The following VSIG10L variants were observed in gnomAD, a reference collection of about 807,000 sequenced individuals.
VSIG10L encodes V-set and immunoglobulin domain containing 10 like.
In VSIG10L, 63 loss-of-function variants were observed where a neutral mutation model predicts 67.3. That is an observed-to-expected ratio of 0.94 (90% CI 0.76 to 1.15). VSIG10L has a LOEUF of 1.15. Ranked by LOEUF, VSIG10L falls within the 50% of genes most tolerant of loss-of-function variation. The probability of loss-of-function intolerance (pLI) is 0.00; values close to 1 mark genes in which losing one functional copy is unlikely to be tolerated. For synonymous variants in VSIG10L, 499 were observed against 524.9 expected (o/e 0.95, Z 0.67); for missense variants, 1,050 against 1,177.5 (o/e 0.89, Z 1.58).
chr19:51,341,946 G>A lies in VSIG10L; in HGVS notation c.102C>T (p.Ser34=). The A allele has an allele frequency of 6.4e-7, 1 of 1,551,698 alleles. No homozygotes were observed. Among genetic ancestry groups the A allele is most frequent in the South Asian group, 1.2e-5 (1 of 84,060 alleles). ...ASSGLQQTNF[S]SAFSSDSKSS... is the part of the protein sequence containing the mutation. ...TCTTTGAGTCTGAAGAGAAGGCAGA[G>A]GAGAAGTTGGTTTGCTGAAGTCCAG... Residue 34 remains serine (S), a synonymous_variant, in exon 2 of 10, where the codon TCC becomes TCT. Coordinates refer to ENST00000335624, the MANE Select transcript of VSIG10L (RefSeq NM_001163922.3).
Position 51,337,338 on chromosome 19 carries a change from C to A in VSIG10L, c.2205G>T (p.Val735=). The A allele has an allele frequency of 6.4e-7, 1 of 1,551,662 alleles. No homozygotes were observed. The highest frequency in any genetic ancestry group is 8.7e-7 in the Non-Finnish European group (1 of 1,146,970). The change falls in exon 7 of 10, where the codon GTG becomes GTT. Residue 735 remains valine, a synonymous_variant. Transcript: ENST00000335624. Reference sequence around the variant, plus strand: ...TCCCTGGGTTCCGAGGTGGAAGGGGCACCACGGCTGACCGCTCCTGAGGCC... The same window carrying A: ...TCCCTGGGTTCCGAGGTGGAAGGGGAACCACGGCTGACCGCTCCTGAGGCC... The part of the protein sequence containing the change: ...ILGPQERSAV[V]PLPPRNPGTW...
Position 51,340,697 on chromosome 19 carries a change from T to C in VSIG10L, c.925A>G (p.Lys309Glu). 1 of 1,514,472 alleles carries C rather than the reference T, an allele frequency of 6.6e-7. No individual in the cohort carries two copies. Among genetic ancestry groups the C allele is most frequent in the South Asian group, 1.2e-5 (1 of 82,176 alleles). 93.8% of individuals were successfully genotyped at this position (1,514,472 alleles called of 1,614,324 possible). The change falls in exon 3 of 10, where the codon AAG (lysine) becomes GAG (glutamate). Residue 309 changes from lysine (K) to glutamate (E), a missense_variant. Coordinates refer to ENST00000335624, the MANE Select transcript of VSIG10L (RefSeq NM_001163922.3). The surrounding 1 kb of genome is among the most constrained non-coding windows in gnomAD (Gnocchi z 6.3). Reference protein sequence around the residue: ...EPLPQLSVQPKAPETEEGAAE... With the variant: ...EPLPQLSVQPEAPETEEGAAE... ...GCCCCCTCCTCTGTCTCTGGAGCCT[T>C]GGGCTGAACCGACAGCTGGGGTAGG...
rs1845007261 is a variant in VSIG10L at position 51,341,812 on chromosome 19, C to G, written c.236G>C (p.Ser79Thr). ...GGAACTCAGGGCCTCAGGAAACCAG[C>G]TGGAATCAGAGATTCCAGCAGAGGC... is the stretch of plus-strand genomic sequence containing the variant. ...SKASAGISDS[S>T]WFPEALSSNM... Residue 79 changes from serine (S) to threonine (T), a missense_variant, in exon 2 of 10, where the codon AGC (serine) becomes ACC (threonine). Coordinates refer to ENST00000335624, the MANE Select transcript of VSIG10L (RefSeq NM_001163922.3). 2 of 1,551,302 alleles carry G rather than the reference C, an allele frequency of 1.3e-6. No individual in the cohort carries two copies. Among genetic ancestry groups the G allele is most frequent in the South Asian group, 2.4e-5 (2 of 84,032 alleles).
intron 4 of VSIG10L, chr19:51,339,731 G>A (rs921524088): frequency 3.2e-6 from 1 of 312,078 alleles, no homozygotes; most frequent in Non-Finnish European, 5.8e-6. Flanking sequence ...CTCAGTGCTG[G>A]GCCGGCCCGT....
Position 51,338,095 on chromosome 19 carries a change from G to C in VSIG10L, c.1843C>G (p.Arg615Gly). ...CPPPSRASWA[R>G]EGRPLAPGGG... ...CCTGGAGCCAGGGGCCTCCCTTCCCGGGCCCAGGATGCCCGTGAGGGTGGG... is the reference window on the plus strand; with the variant it reads ...CCTGGAGCCAGGGGCCTCCCTTCCCCGGCCCAGGATGCCCGTGAGGGTGGG... The change falls in exon 6 of 10, where the codon CGG becomes GGG. Residue 615 changes from arginine to glycine, a missense_variant. Physicochemically the swap from Arg to Gly is moderately radical, Grantham distance 125. Coordinates refer to ENST00000335624, the MANE Select transcript of VSIG10L (RefSeq NM_001163922.3). The C allele has an allele frequency of 6.4e-7, 1 of 1,551,114 alleles. No individual in the cohort carries two copies. The highest frequency in any genetic ancestry group is 8.7e-7 in the Non-Finnish European group (1 of 1,146,782).
At chr19:51,337,107 G>T in intron 7 of VSIG10L, 131 bp downstream of exon 7, 1 of 1,202,130 alleles carries the variant, frequency 8.3e-7, no homozygotes, top group Non-Finnish European at 1.1e-6. Context: ...ACCTGTGAGA[G>T]AAGAAATTCC....
rs535723704 is a variant in VSIG10L, at chr19:51,339,349, C to A, written c.1475-207G>T. Among the ~76,000 whole-genome samples the A allele has an allele frequency of 7.2e-5, 11 of 152,296 alleles. No individual in the cohort carries two copies. The East Asian group carries it at 1.9e-3, about 27-fold the overall frequency. Reference sequence around the variant, plus strand: ...GCAGCCCTGCTGACTGCCCAACTTTCTTAAGAAAACTGCATCTTCACACAA... The same window carrying A: ...GCAGCCCTGCTGACTGCCCAACTTTATTAAGAAAACTGCATCTTCACACAA... On this transcript the variant is annotated intron_variant, in intron 4 of 9. Transcript: ENST00000335624.
Position 51,338,194 on chromosome 19 carries a change from C to T in VSIG10L, c.1744G>A (p.Val582Met). The change falls in exon 6 of 10, where the codon GTG becomes ATG. Residue 582 changes from valine (V) to methionine (M), a missense_variant. Coordinates refer to ENST00000335624, the MANE Select transcript of VSIG10L (RefSeq NM_001163922.3). ...TCTGCCACCAGCGGATGCAGCAGCA[C>T]CTCTCGGGGGGCCTCTGCCGGTGGG... is the stretch of plus-strand genomic sequence containing the variant. ...CTVTPEAPREVLLHPLVAETR... is the reference protein window; with the variant it reads ...CTVTPEAPREMLLHPLVAETR... The T allele has an allele frequency of 6.8e-7, 1 of 1,476,966 alleles. No homozygotes were observed. The highest frequency in any genetic ancestry group is 9.0e-7 in the Non-Finnish European group (1 of 1,112,548). 91.5% of individuals were successfully genotyped at this position (1,476,966 alleles called of 1,614,324 possible).
chr19:51,339,946 C>T (rs956394267), intron 4 of VSIG10L, 69 bp downstream of exon 4: 16 of 1,247,340 alleles, frequency 1.3e-5, no homozygotes, highest in Non-Finnish European at 1.6e-5. Context: ...CCCCTTTCCT[C>T]TAGCCCCGCC....
At chr19:51,337,706 G>A (rs1454209479) in intron 6 of VSIG10L, among the ~76,000 whole-genome samples, 172 bp from the exon 7 acceptor site, 1 of 150,554 alleles carries the variant, frequency 6.6e-6, no homozygotes, top group East Asian at 2.0e-4. Context: ...GGAAGGGGCT[G>A]GTGACCTGGA....
At chr19:51,338,643 A>C (rs1985548142) in intron 5 of VSIG10L, among the ~76,000 whole-genome samples, 1 of 152,098 alleles carries the variant, frequency 6.6e-6, no homozygotes, top group Non-Finnish European at 1.5e-5. Context: ...TCACTGCTTT[A>C]TCTCTCTGAA....
Position 51,341,354 on chromosome 19 carries a change from C to T in VSIG10L, c.694G>A (p.Val232Met), listed in dbSNP as rs1042967960. ...GGCCCCAGGCCCCCAGCTGCCAGCA[C>T]CTTTGAGCCCCGGCGCCAGACCACC... The part of the protein sequence containing the change: ...SLVVWRRGSK[V>M]LAAGGLGPGA... The change falls in exon 2 of 10, where the codon GTG becomes ATG. Residue 232 changes from valine (V) to methionine (M), a missense_variant. Transcript: ENST00000335624. 3 of 1,540,544 alleles carry T rather than the reference C, an allele frequency of 1.9e-6. No homozygotes were observed. The highest frequency in any genetic ancestry group is 2.4e-5 in the South Asian group (2 of 83,892).
rs919262456 is a variant in VSIG10L at position 51,331,846 on chromosome 19, G to A, written c.*765C>T. 1.3e-5 allele frequency: 2 copies of A among 152,228 alleles called. No homozygotes were observed. Among genetic ancestry groups the A allele is most frequent in the Non-Finnish European group, 2.9e-5 (2 of 68,102 alleles). 9.4% of individuals were successfully genotyped at this position (152,228 alleles called of 1,614,324 possible). A position where few individuals can be genotyped will look rare whatever the true frequency, so the allele number is the denominator to read the frequency against. On this transcript the variant is annotated 3_prime_UTR_variant, in exon 10 of 10. Coordinates refer to ENST00000335624, the MANE Select transcript of VSIG10L (RefSeq NM_001163922.3). ...AATTACATATTTATGTATCAGGAAC[G>A]GCAAATTCAAGGATTCTGGGACTTA...
rs1321842909 is a variant in VSIG10L, at chr19:51,340,458, C to T, written c.1164G>A (p.Glu388=). The T allele has an allele frequency of 2.0e-6, 3 of 1,496,848 alleles. No individual in the cohort carries two copies. Among genetic ancestry groups the T allele is most frequent in the African/African-American group, 1.4e-5 (1 of 71,078 alleles). 92.7% of individuals were successfully genotyped at this position (1,496,848 alleles called of 1,614,324 possible). The part of the protein sequence containing the change: ...CRVRSPFGHR[E]AAADVSVFYG... The stretch of plus-strand genomic sequence containing the variant: ...AGAAGACGCTGACGTCGGCGGCAGC[C>T]TCCCTGTGGCCGAAGGGGCTGCGGA... The change falls in exon 3 of 10, where the codon GAG becomes GAA. Residue 388 remains glutamate (E), a synonymous_variant. Transcript: ENST00000335624. The surrounding 1 kb of genome is among the most constrained non-coding windows in gnomAD (Gnocchi z 6.3).
At position 51,333,958 on chromosome 19, in the gene VSIG10L, C is replaced by T. The variant is rs1310903703; in HGVS notation, c.2420-13G>A. On this transcript the variant is annotated splice_polypyrimidine_tract_variant and intron_variant, in intron 8 of 9. Transcript: ENST00000335624. ...TCAGGAGTCTTTCCTGATTGAGAGG[C>T]AGAAGAGAAGCAGGAACACGTGATT... 8.4e-6 allele frequency: 13 copies of T among 1,550,858 alleles called. No individual in the cohort carries two copies. The highest frequency in any genetic ancestry group is 1.7e-4 in the Middle Eastern group (1 of 5,846).
In VSIG10L at chr19:51,338,065, C is replaced by G. The variant is rs1424630214; in HGVS notation, c.1873G>C (p.Gly625Arg). The G allele has an allele frequency of 6.4e-7, 1 of 1,551,620 alleles. No individual in the cohort carries two copies. The highest frequency in any genetic ancestry group is 8.7e-7 in the Non-Finnish European group (1 of 1,146,968). The change falls in exon 6 of 10, where the codon GGG becomes CGG. Residue 625 changes from glycine (G) to arginine (R), a missense_variant. Physicochemically the swap from Gly to Arg is moderately radical, Grantham distance 125. Transcript: ENST00000335624. ...TCTTGACTGAGCCGCAGGCGACTCC[C>G]GCCTCCTGGAGCCAGGGGCCTCCCT... is the stretch of plus-strand genomic sequence containing the variant. Reference protein sequence around the residue: ...REGRPLAPGGGSRLRLSQDGR... With the variant: ...REGRPLAPGGRSRLRLSQDGR...
intron 6 of VSIG10L, 96 bp downstream of exon 6, chr19:51,337,834 T>C: frequency 1.4e-6 from 2 of 1,420,486 alleles, no homozygotes; most frequent in Non-Finnish European, 1.9e-6. Flanking sequence ...ATCCGAGGTC[T>C]GAGGGAGGAG....
At position 51,337,303 on chromosome 19, in the gene VSIG10L, AAGGTCCAGGTCCCTGGGTTCCG is replaced by A; in HGVS notation, c.2218_2239del (p.Arg740PhefsTer26). ...GCCCCCCAGGATGGGCAGGATCCGA[AAGGTCCAGGTCCCTGGGTTCCG>A]AGGTGGAAGGGGCACCACGGCTGAC... On this transcript the variant is annotated frameshift_variant, in exon 7 of 10. Transcript: ENST00000335624. LOFTEE classifies it high-confidence loss of function. 1 of 1,551,414 alleles carries A rather than the reference AAGGTCCAGGTCCCTGGGTTCCG, an allele frequency of 6.4e-7. No individual in the cohort carries two copies. The highest frequency in any genetic ancestry group is 1.2e-5 in the South Asian group (1 of 84,044).
chr19:51,338,026 GGA>G lies in VSIG10L; in HGVS notation c.1910_1911del (p.Leu637ProfsTer27). The G allele has an allele frequency of 1.3e-6, 2 of 1,551,688 alleles. No individual in the cohort carries two copies. The highest frequency in any genetic ancestry group is 1.7e-6 in the Non-Finnish European group (2 of 1,146,992). ...CAATCCAGGCTGAAGTTGCCGATGT[GGA>G]GTTTCCGCCCATCTTGACTGAGCCG... ...RLRLSQDGRK[L>X]HIGNFSLDWD... On this transcript the variant is annotated frameshift_variant, in exon 6 of 10. Coordinates refer to ENST00000335624, the MANE Select transcript of VSIG10L (RefSeq NM_001163922.3). LOFTEE classifies it high-confidence loss of function.
Sources: allele counts gnomAD v4.1 joint callset (sites outside exome capture counted in the v4.1 genomes callset), GRCh38; gene constraint gnomAD v4.1.1; non-coding constraint Gnocchi (gnomAD v3.1); transcripts MANE v1.5; gene names NCBI Gene and HGNC (gene_info 2026-07-23, HGNC 2026-07-21).